Variants in KCND3 observed in about 807,000 individuals in gnomAD.
KCND3 encodes the protein potassium voltage-gated channel subfamily D member 3, also known as A-type voltage-gated potassium channel KCND3.
In KCND3, 9 loss-of-function variants were observed where a neutral mutation model predicts 51.1. That is an observed-to-expected ratio of 0.18 (90% confidence interval 0.11 to 0.31). The LOEUF is 0.31. Among genes scored for constraint, KCND3 ranks in the 10% least tolerant of loss-of-function variants. KCND3 has a pLI of 1.00. For missense variants in KCND3, 526 were observed against 903.8 expected (o/e 0.58, Z 5.36); for synonymous variants, 349 against 368.0 (o/e 0.95, Z 0.59).
chr1:111,863,104 G>A (rs774206499), intron 2 of KCND3, among the ~76,000 whole-genome samples: 3 of 152,218 alleles, frequency 2.0e-5, no homozygotes, highest in Non-Finnish European at 2.9e-5. Flanking sequence ...ACAATGGGCT[G>A]GGCAGGGCTA....
chr1:111,936,651 T>A (rs933951990), intron 2 of KCND3, among the ~76,000 whole-genome samples: 3 of 152,212 alleles, frequency 2.0e-5, no homozygotes, highest in Admixed American at 6.5e-5. Flanking sequence ...GCCAAGATCT[T>A]GGCTTCACTG....
At chr1:111,918,028 G>A (rs574174459) in intron 2 of KCND3, among the ~76,000 whole-genome samples, 35 of 152,286 alleles carry the variant, frequency 2.3e-4, no homozygotes, top group African/African-American at 7.0e-4. Context: ...ATATTTGGCC[G>A]AGGTTTACAC....
chr1:111,974,922 T>C (rs1373287), intron 2 of KCND3, among the ~76,000 whole-genome samples: 39,808 of 152,068 alleles, frequency 0.26, 5,540 homozygotes, highest in Non-Finnish European at 0.3. Flanking sequence ...GAAGACAAAT[T>C]CAAAGTGATG....
At position 111,982,033 on chromosome 1, in the gene KCND3, C is replaced by T. The variant is rs767090650; in HGVS notation, c.694G>A (p.Ala232Thr). The change falls in exon 2 of 8, where the codon GCG becomes ACG. Residue 232 changes from alanine to threonine, a missense_variant. Transcript: ENST00000302127. The surrounding 1 kb of genome is among the most constrained non-coding windows in gnomAD (Gnocchi z 8.5). Reference protein sequence around the residue: ...YSVAFFCLDTACVMIFTVEYL... With the variant: ...YSVAFFCLDTTCVMIFTVEYL... ...TCCACGGTGAAGATCATGACGCACG[C>T]CGTGTCCAGGCAGAAGAAGGCCACC... 6.2e-7 allele frequency: 1 copy of T among 1,613,806 alleles called. No homozygotes were observed.
At chr1:111,824,526 T>G (rs1666490404) in intron 2 of KCND3, among the ~76,000 whole-genome samples, 1 of 152,224 alleles carries the variant, frequency 6.6e-6, no homozygotes, top group Admixed American at 6.5e-5. Flanking sequence ...GAAAGGGAGA[T>G]GAGCAAGGGT....
intron 2 of KCND3, among the ~76,000 whole-genome samples, chr1:111,841,189 G>C (rs1025140271): frequency 6.6e-6 from 1 of 152,176 alleles, no homozygotes; most frequent in South Asian, 2.1e-4. Context: ...TTGGGACATC[G>C]TCATCTGGGA....
chr1:111,819,647 T>A (rs150405527), intron 2 of KCND3, among the ~76,000 whole-genome samples: 28 of 151,704 alleles, frequency 1.8e-4, no homozygotes, highest in Non-Finnish European at 3.1e-4. Context: ...GGGACAGAGG[T>A]TTGAGCAGAA....
At chr1:111,876,654 T>G (rs1211989802) in intron 2 of KCND3, among the ~76,000 whole-genome samples, 1 of 152,212 alleles carries the variant, frequency 6.6e-6, no homozygotes, top group South Asian at 2.1e-4. Flanking sequence ...AAAGTGACTT[T>G]TGAATTAGTT....
intron 2 of KCND3, among the ~76,000 whole-genome samples, chr1:111,898,624 C>A (rs1160215415): frequency 6.6e-6 from 1 of 152,198 alleles, no homozygotes; most frequent in African/African-American, 2.4e-5. Flanking sequence ...GCAGTAAAGT[C>A]ATGTGTTTAC....
At chr1:111,989,254 A>C (rs1675493399) in intron 1 of KCND3, 1 of 152,148 alleles carries the variant, frequency 6.6e-6, no homozygotes, top group Admixed American at 6.5e-5. Context: ...GCAGAGGTTC[A>C]CACCCCACCC....
rs1168374991 is a variant in KCND3 at position 111,982,763 on chromosome 1, G to T, written c.-37C>A. 2 of 1,578,572 alleles carry T rather than the reference G, an allele frequency of 1.3e-6. No individual in the cohort carries two copies. Among genetic ancestry groups the T allele is most frequent in the Non-Finnish European group, 1.7e-6 (2 of 1,169,556 alleles). The stretch of plus-strand genomic sequence containing the variant: ...CTCTTGGGCCGGCAGCCGCGCGGAC[G>T]CTAGGCACACCAGCTTGGAGTTAGT... On this transcript the variant is annotated 5_prime_UTR_variant, in exon 2 of 8. Coordinates refer to ENST00000302127, the MANE Select transcript of KCND3 (RefSeq NM_001378969.1). This position sits in a 1 kb window ranked among gnomAD's most constrained non-coding sequence, Gnocchi z 8.5.
At chr1:111,835,537 G>A (rs542911763) in intron 2 of KCND3, among the ~76,000 whole-genome samples, 1 of 152,248 alleles carries the variant, frequency 6.6e-6, no homozygotes, top group South Asian at 2.1e-4. Context: ...AAAGAAGCTG[G>A]CCAAAACCAA....
At chr1:111,880,882 GT>G (rs1235225936) in intron 2 of KCND3, among the ~76,000 whole-genome samples, 4 of 151,730 alleles carry the variant, frequency 2.6e-5, no homozygotes, top group East Asian at 1.9e-4. Context: ...AGAATGAACC[GT>G]TTTTTTTAAT....
intron 2 of KCND3, among the ~76,000 whole-genome samples, chr1:111,902,727 G>A (rs906177464): frequency 3.3e-5 from 5 of 152,210 alleles, no homozygotes; most frequent in Non-Finnish European, 7.3e-5. Flanking sequence ...TTTCTCATCT[G>A]CAAAATAGGG....
intron 2 of KCND3, among the ~76,000 whole-genome samples, chr1:111,801,541 A>G (rs1665310711): frequency 6.6e-6 from 1 of 152,208 alleles, no homozygotes; most frequent in South Asian, 2.1e-4. Flanking sequence ...AGGTAGAAGT[A>G]GGCAAGAGGC....
chr1:111,789,323 C>T (rs1664734522), intron 2 of KCND3, among the ~76,000 whole-genome samples: 1 of 152,230 alleles, frequency 6.6e-6, no homozygotes, highest in Admixed American at 6.5e-5. Context: ...CCTCTGCCTT[C>T]TCCACCGGGA....
At chr1:111,856,594 AGCCTCT>A (rs1353003784) in intron 2 of KCND3, among the ~76,000 whole-genome samples, 4 of 152,182 alleles carry the variant, frequency 2.6e-5, no homozygotes, top group Non-Finnish European at 5.9e-5. Flanking sequence ...GTGGATCCTG[AGCCTCT>A]GCCCGACTTG....
rs543926649 is a variant in KCND3 at position 111,881,867 on chromosome 1, T to C, written c.1107-94761A>G. Among the ~76,000 whole-genome samples the C allele has an allele frequency of 4.9e-4, 74 of 152,322 alleles. 1 individual carries two copies. Among genetic ancestry groups the C allele is most frequent in the African/African-American group, 1.7e-3 (69 of 41,558 alleles). On this transcript the variant is annotated intron_variant, in intron 2 of 7. Transcript: ENST00000302127. ...TGCTGTTTTGCCTTATCCATTCCCA[T>C]ATGTCCTTCCCTGAGAATAGGTCTA...
chr1:111,884,021 A>G (rs553600892), intron 2 of KCND3, among the ~76,000 whole-genome samples: 11 of 152,260 alleles, frequency 7.2e-5, no homozygotes, highest in African/African-American at 2.6e-4. Flanking sequence ...TGCTTTTCCC[A>G]TTACACAGGC....
Sources: allele counts gnomAD v4.1 joint callset (sites outside exome capture counted in the v4.1 genomes callset), GRCh38; gene constraint gnomAD v4.1.1; non-coding constraint Gnocchi (gnomAD v3.1); transcripts MANE v1.5; gene names NCBI Gene and HGNC (gene_info 2026-07-23, HGNC 2026-07-21).